PIK3C3: variants seen among roughly 807,000 people sequenced by gnomAD.
PIK3C3 encodes the protein phosphatidylinositol 3-kinase catalytic subunit type 3.
PIK3C3 carries 95 observed loss-of-function variants against 126.1 expected under a neutral mutation model. The ratio of observed to expected loss-of-function variants is 0.75; its 90% CI spans 0.64 to 0.89. PIK3C3 has a LOEUF of 0.89. Among genes scored for constraint, PIK3C3 ranks in the 40% least tolerant of loss-of-function variants. The pLI is 0.00. For missense variants in PIK3C3, 829 were observed against 1,063.2 expected (o/e 0.78, Z 3.06); for synonymous variants, 374 against 360.0 (o/e 1.04, Z -0.44).
At position 41,982,864 on chromosome 18, in the gene PIK3C3, G is replaced by C. The variant is rs1368279903; in HGVS notation, c.532-4948G>C. ...TGCTTTTACATTTAATGGTGTCTCAGAATTGTTCCAGGTTATTTAAGATAC... is the reference window on the plus strand; with the variant it reads ...TGCTTTTACATTTAATGGTGTCTCACAATTGTTCCAGGTTATTTAAGATAC... On this transcript the variant is annotated intron_variant, in intron 4 of 24. Coordinates refer to ENST00000262039, the MANE Select transcript of PIK3C3 (RefSeq NM_002647.4). Among the ~76,000 whole-genome samples the C allele has an allele frequency of 2.6e-5, 4 of 152,160 alleles. No individual in the cohort carries two copies. The East Asian group carries it at 7.7e-4, about 29-fold the overall frequency.
chr18:42,035,212 G>T (rs990196319), intron 16 of PIK3C3, among the ~76,000 whole-genome samples: 1 of 152,038 alleles, frequency 6.6e-6, no homozygotes, highest in Admixed American at 6.6e-5. Flanking sequence ...AATGTAAAAA[G>T]CTATGCACAA....
chr18:41,957,098 A>C (rs1979816443), intron 1 of PIK3C3, among the ~76,000 whole-genome samples: 2 of 152,228 alleles, frequency 1.3e-5, no homozygotes, highest in South Asian at 4.1e-4. Context: ...CCCCAGAAGC[A>C]ATGACTTAAT....
chr18:42,086,951 G>T lies in PIK3C3; in HGVS notation c.*5814G>T, dbSNP rs1025267217. 1 of 152,120 alleles carries T rather than the reference G, an allele frequency of 6.6e-6. No individual in the cohort carries two copies. Among genetic ancestry groups the T allele is most frequent in the Non-Finnish European group, 1.5e-5 (1 of 68,032 alleles). The allele number at this position is 152,120 out of a possible 1,614,324, so 9.4% of individuals were successfully genotyped here. On this transcript the variant is annotated 3_prime_UTR_variant, in exon 25 of 25. Transcript: ENST00000262039. Reference sequence around the variant, plus strand: ...GAACCCTCTCTTGGAGTCTTAACCAGGATCCCTTTCCAGTAACTTCAGCAG... The same window carrying T: ...GAACCCTCTCTTGGAGTCTTAACCATGATCCCTTTCCAGTAACTTCAGCAG...
intron 18 of PIK3C3, among the ~76,000 whole-genome samples, chr18:42,039,690 A>C (rs1984217072): frequency 6.6e-6 from 1 of 152,192 alleles, no homozygotes; most frequent in Non-Finnish European, 1.5e-5. Context: ...AACATGGCTC[A>C]AATGTCAGAT....
intron 21 of PIK3C3, among the ~76,000 whole-genome samples, chr18:42,054,177 T>G (rs1164255495): frequency 6.1e-5 from 4 of 65,444 alleles, no homozygotes; most frequent in South Asian, 7.9e-4. Context: ...TATATATATA[T>G]ATATATATAT....
At chr18:42,029,504 T>A in intron 15 of PIK3C3, 63 bp downstream of exon 15, 1 of 892,338 alleles carries the variant, frequency 1.1e-6, no homozygotes, top group Non-Finnish European at 1.9e-6. Context: ...TACTGAATTT[T>A]CACTATTGTC....
intron 24 of PIK3C3, among the ~76,000 whole-genome samples, chr18:42,075,193 ACCT>A (rs983090591): frequency 2.0e-5 from 3 of 152,294 alleles, no homozygotes; most frequent in Admixed American, 2.0e-4. Flanking sequence ...ATTTTTAGGG[ACCT>A]AATTTTATCA....
At chr18:41,991,023 A>G (rs534958289) in intron 6 of PIK3C3, among the ~76,000 whole-genome samples, 12 of 152,304 alleles carry the variant, frequency 7.9e-5, no homozygotes, top group South Asian at 4.1e-4. Flanking sequence ...CATTTGTACA[A>G]TAGATGCAAA....
intron 13 of PIK3C3, among the ~76,000 whole-genome samples, chr18:42,024,757 T>C (rs1470056856): frequency 6.6e-6 from 1 of 151,048 alleles, no homozygotes; most frequent in African/African-American, 2.4e-5. Flanking sequence ...TTTTGAGAGG[T>C]GTTTGATACT....
intron 10 of PIK3C3, among the ~76,000 whole-genome samples, chr18:42,011,338 A>G (rs1014573125): frequency 6.6e-6 from 1 of 152,248 alleles, no homozygotes; most frequent in African/African-American, 2.4e-5. Context: ...AGTCACCTGC[A>G]TCAATAACTT....
intron 21 of PIK3C3, among the ~76,000 whole-genome samples, chr18:42,056,915 T>C (rs553204585): frequency 1.3e-5 from 2 of 152,070 alleles, no homozygotes; most frequent in African/African-American, 4.8e-5. Context: ...TTATGGACTT[T>C]CCTTGGGAAT....
chr18:41,994,109 T>C (rs955272103), intron 7 of PIK3C3, among the ~76,000 whole-genome samples: 2 of 152,064 alleles, frequency 1.3e-5, no homozygotes, highest in African/African-American at 2.4e-5. Flanking sequence ...CATTGGATGA[T>C]GAAAACATGA....
intron 4 of PIK3C3, among the ~76,000 whole-genome samples, chr18:41,978,721 A>ATTTAG (rs1043931887): frequency 4.6e-5 from 7 of 152,158 alleles, no homozygotes; most frequent in African/African-American, 1.7e-4. Context: ...TAGCCAAATA[A>ATTTAG]TTTAGTTAAG....
rs565658093 is a variant in PIK3C3 at position 41,982,062 on chromosome 18, G to A, written c.532-5750G>A. ...TTTTTTGAAGAATTACACTTTTTTA[G>A]TAATATAATTCTAGTGCACCATGCA... On this transcript the variant is annotated intron_variant, in intron 4 of 24. Coordinates refer to ENST00000262039, the MANE Select transcript of PIK3C3 (RefSeq NM_002647.4). Among the ~76,000 whole-genome samples the A allele has an allele frequency of 1.7e-4, 26 of 151,740 alleles. No individual in the cohort carries two copies. In the South Asian group the frequency reaches 5.4e-3, roughly 32 times the overall value.
chr18:42,060,801 A>G (rs1313027194), intron 22 of PIK3C3, among the ~76,000 whole-genome samples: 1 of 152,158 alleles, frequency 6.6e-6, no homozygotes, highest in Non-Finnish European at 1.5e-5. Context: ...AATTTAAAAA[A>G]ATGTGTTTAA....
chr18:42,048,278 C>G (rs1265853741), intron 20 of PIK3C3, among the ~76,000 whole-genome samples: 2 of 152,194 alleles, frequency 1.3e-5, no homozygotes, highest in East Asian at 3.8e-4. Context: ...CTCTGTGTTT[C>G]TCTGTGATTC....
chr18:41,957,825 T>G (rs777215179), intron 2 of PIK3C3, 67 bp downstream of exon 2: 9 of 1,210,058 alleles, frequency 7.4e-6, no homozygotes, highest in Non-Finnish European at 1.0e-5. Flanking sequence ...ATGCTGCAAG[T>G]ATAATTTAGT....
chr18:41,956,612 C>T (rs1269274434), intron 1 of PIK3C3, among the ~76,000 whole-genome samples: 1 of 123,132 alleles, frequency 8.1e-6, no homozygotes, highest in Non-Finnish European at 1.6e-5. Context: ...TTTGGGATGA[C>T]GTTCTGCTTC....
chr18:42,062,730 T>C (rs1037026300), intron 22 of PIK3C3, among the ~76,000 whole-genome samples: 1 of 152,090 alleles, frequency 6.6e-6, no homozygotes, highest in Non-Finnish European at 1.5e-5. Flanking sequence ...GAGATATATC[T>C]GACATCTCTA....
Sources: gnomAD v4.1 joint callset for allele counts (sites outside exome capture counted in the v4.1 genomes callset) on GRCh38, gnomAD v4.1.1 for gene constraint, MANE v1.5 for transcripts, NCBI Gene and HGNC (gene_info 2026-07-23, HGNC 2026-07-21) for gene names.